Variants in ST3GAL3 observed in about 807,000 individuals in gnomAD.
ST3GAL3 encodes the protein ST3 beta-galactoside alpha-2,3-sialyltransferase 3.
In ST3GAL3, 21 loss-of-function variants were observed where a neutral mutation model predicts 50.1. The ratio of observed to expected loss-of-function variants is 0.42; its 90% CI spans 0.30 to 0.60. The LOEUF (loss-of-function observed/expected upper bound fraction) is 0.60. Among genes scored for constraint, ST3GAL3 ranks in the 20% least tolerant of loss-of-function variants. ST3GAL3 has a pLI of 0.19. For synonymous variants in ST3GAL3, 183 were observed against 190.0 expected, an observed-to-expected ratio of 0.96 and a Z score of 0.30; for missense variants, 353 against 489.4, an observed-to-expected ratio of 0.72 and a Z score of 2.63.
At chr1:43,894,071 A>G (rs1181372808) in intron 5 of ST3GAL3, 3 of 409,728 alleles carry the variant, frequency 7.3e-6, no homozygotes, top group South Asian at 6.4e-5. Flanking sequence ...TATTTGATGA[A>G]TGCCTGCACA....
chr1:43,920,766 T>G lies in ST3GAL3; in HGVS notation c.892-16T>G. On this transcript the variant is annotated splice_polypyrimidine_tract_variant and intron_variant, in intron 10 of 11. Transcript: ENST00000347631. ...AACTCTGCATGCCTTCTCTCACCCC[T>G]GCCCCCGTCTTCTAGAACATCCCTA... is the stretch of plus-strand genomic sequence containing the variant. 6.2e-7 allele frequency: 1 copy of G among 1,614,184 alleles called. No individual in the cohort carries two copies. Among genetic ancestry groups the G allele is most frequent in the Non-Finnish European group, 8.5e-7 (1 of 1,180,024 alleles).
chr1:43,853,324 G>A (rs1414426982), intron 5 of ST3GAL3, among the ~76,000 whole-genome samples: 1 of 152,172 alleles, frequency 6.6e-6, no homozygotes, highest in South Asian at 2.1e-4. Context: ...GTTTACTTTG[G>A]ATCAGGTCCC....
rs534562839 is a variant in ST3GAL3, at chr1:43,818,889, A to C, written c.209+3956A>C. ...GAGTTAGTGAACTTGAAGGTAAGAC[A>C]TAAGAAATTATTTATAAAAGGGGTT... On this transcript the variant is annotated intron_variant, in intron 4 of 11. Coordinates refer to ENST00000347631, the MANE Select transcript of ST3GAL3 (RefSeq NM_006279.5). Among the ~76,000 whole-genome samples, 3 of 152,324 alleles carry C rather than the reference A, an allele frequency of 2.0e-5. No homozygotes were observed. The South Asian group carries it at 6.2e-4, about 32-fold the overall frequency.
Position 43,874,333 on chromosome 1 carries a change from A to C in ST3GAL3, c.303-20050A>C, listed in dbSNP as rs185474290. ...AAAGGATCATTGGTATGGATTCAAG[A>C]GAAATGGGAGGAGAGAGATTGGAGA... On this transcript the variant is annotated intron_variant, in intron 5 of 11. Transcript: ENST00000347631. 2.6e-4 allele frequency among the ~76,000 whole-genome samples: 39 copies of C among 152,342 alleles called. 1 individual carries two copies. The East Asian group carries it at 7.1e-3, about 28-fold the overall frequency.
At chr1:43,817,319 G>GCTTCTT (rs962563427) in intron 4 of ST3GAL3, among the ~76,000 whole-genome samples, 1 of 151,872 alleles carries the variant, frequency 6.6e-6, no homozygotes, top group Non-Finnish European at 1.5e-5. Context: ...TTAGCTTGCT[G>GCTTCTT]CTTCTTCTTC....
At chr1:43,848,608 G>C (rs1323560772) in intron 5 of ST3GAL3, among the ~76,000 whole-genome samples, 2 of 151,902 alleles carry the variant, frequency 1.3e-5, no homozygotes, top group African/African-American at 4.8e-5. Flanking sequence ...CCTGGCTGTG[G>C]TTTTCTTTAT....
chr1:43,763,473 C>T (rs549725448), intron 2 of ST3GAL3, among the ~76,000 whole-genome samples: 5 of 152,128 alleles, frequency 3.3e-5, no homozygotes, highest in East Asian at 1.9e-4. Flanking sequence ...GGAGGAGTGG[C>T]GGATCAAATT....
At chr1:43,929,425 C>T (rs1048175208) in intron 11 of ST3GAL3, among the ~76,000 whole-genome samples, 1 of 151,982 alleles carries the variant, frequency 6.6e-6, no homozygotes, top group Non-Finnish European at 1.5e-5. Context: ...CTGCCTCAGC[C>T]TCCTGAGTAG....
intron 1 of ST3GAL3, among the ~76,000 whole-genome samples, chr1:43,723,240 C>T (rs533922480): frequency 3.3e-5 from 5 of 152,052 alleles, no homozygotes; most frequent in South Asian, 2.1e-4. Flanking sequence ...TCCTGAGTAG[C>T]TGGGATTACA....
intron 2 of ST3GAL3, among the ~76,000 whole-genome samples, chr1:43,758,664 A>T (rs1484045444): frequency 1.3e-5 from 2 of 152,146 alleles, no homozygotes; most frequent in Middle Eastern, 3.2e-3. Flanking sequence ...TCAGTTAATT[A>T]TGTAGGCTAA....
chr1:43,808,113 C>A (rs1233026872), intron 3 of ST3GAL3, among the ~76,000 whole-genome samples: 1 of 151,928 alleles, frequency 6.6e-6, no homozygotes, highest in Non-Finnish European at 1.5e-5. Context: ...ACTGGCCTGG[C>A]CAACATAGTG....
intron 9 of ST3GAL3, chr1:43,912,366 AG>A (rs2081080391): frequency 6.6e-6 from 1 of 152,168 alleles, no homozygotes; most frequent in African/African-American, 2.4e-5. Context: ...GAACTTGCTT[AG>A]GGGTACAGAG....
At chr1:43,731,151 T>G (rs1317945777) in intron 1 of ST3GAL3, among the ~76,000 whole-genome samples, 1 of 151,824 alleles carries the variant, frequency 6.6e-6, no homozygotes. Context: ...TACCTTAGCC[T>G]CCCAATTGGT....
At chr1:43,749,714 A>G (rs956687578) in intron 2 of ST3GAL3, among the ~76,000 whole-genome samples, 5 of 152,260 alleles carry the variant, frequency 3.3e-5, no homozygotes, top group African/African-American at 1.2e-4. Context: ...TTCTTGTGTT[A>G]GAAACTCAAT....
rs554500745 is a variant in ST3GAL3, at chr1:43,875,551, G to A, written c.303-18832G>A. Among the ~76,000 whole-genome samples the A allele has an allele frequency of 2.6e-5, 4 of 152,204 alleles. No individual in the cohort carries two copies. The South Asian group carries it at 8.3e-4, about 32-fold the overall frequency. ...GGGAGGAACCTGGTGGGAAGTGATT[G>A]GATCATGGGGGGTTTCCCCCATGCT... On this transcript the variant is annotated intron_variant, in intron 5 of 11. Transcript: ENST00000347631.
At chr1:43,810,494 G>C (rs2154172834) in intron 3 of ST3GAL3, among the ~76,000 whole-genome samples, 1 of 152,248 alleles carries the variant, frequency 6.6e-6, no homozygotes, top group Admixed American at 6.5e-5. Flanking sequence ...CATTGTAGCT[G>C]GCTATGCATT....
intron 5 of ST3GAL3, among the ~76,000 whole-genome samples, chr1:43,849,581 C>T (rs1378883341): frequency 6.6e-6 from 1 of 152,096 alleles, no homozygotes; most frequent in Non-Finnish European, 1.5e-5. Flanking sequence ...AATAAAGTTT[C>T]TTTGGGAAGG....
At chr1:43,886,562 G>A (rs2076018758) in intron 5 of ST3GAL3, among the ~76,000 whole-genome samples, 1 of 152,130 alleles carries the variant, frequency 6.6e-6, no homozygotes, top group Admixed American at 6.5e-5. Context: ...CTATAGAGAA[G>A]GAAAGTGGTT....
At chr1:43,772,340 G>A (rs543069125) in intron 2 of ST3GAL3, 16 of 278,194 alleles carry the variant, frequency 5.8e-5, no homozygotes, top group East Asian at 2.4e-4. Flanking sequence ...GAGCCACTGC[G>A]TCTGGCCAGT....
Sources: gnomAD v4.1 joint callset for allele counts (sites outside exome capture counted in the v4.1 genomes callset) on GRCh38, gnomAD v4.1.1 for gene constraint, MANE v1.5 for transcripts, NCBI Gene and HGNC (gene_info 2026-07-23, HGNC 2026-07-21) for gene names.